ZNF460: variants seen among roughly 807,000 people sequenced by gnomAD.
ZNF460 encodes the protein zinc finger protein 272.
Under a neutral mutation model 8.4 loss-of-function variants are expected in ZNF460, and 1 was observed. The observed-to-expected ratio is 0.12, with a 90% CI of 0.04 to 0.56. ZNF460 has a LOEUF of 0.56. Among genes scored for constraint, ZNF460 ranks in the 20% least tolerant of loss-of-function variants. The probability of loss-of-function intolerance (pLI) is 0.91; values close to 1 mark genes in which losing one functional copy is unlikely to be tolerated. For synonymous variants in ZNF460, 262 were observed against 259.9 expected (o/e 1.01, Z -0.08); for missense variants, 477 against 714.8 (o/e 0.67, Z 3.79).
chr19:57,293,085 A>G lies in ZNF460; in HGVS notation c.*855A>G, dbSNP rs1036235067. 1 of 152,124 alleles carries G rather than the reference A, an allele frequency of 6.6e-6. No homozygotes were observed. Among genetic ancestry groups the G allele is most frequent in the Admixed American group, 6.5e-5 (1 of 15,268 alleles). 9.4% of individuals were successfully genotyped at this position (152,124 alleles called of 1,614,324 possible). A position where few individuals can be genotyped will look rare whatever the true frequency, so the allele number is the denominator to read the frequency against. ...TATTTTTCTGTAGGATGGAGATGAT[A>G]TTGTAGCTGTTTGTACATAATGTAA... On this transcript the variant is annotated 3_prime_UTR_variant, in exon 3 of 3. Coordinates refer to ENST00000360338, the MANE Select transcript of ZNF460 (RefSeq NM_006635.4).
chr19:57,290,618 C>A, intron 2 of ZNF460, 81 bp from the exon 3 acceptor site: 1 of 1,306,918 alleles, frequency 7.7e-7, no homozygotes, highest in Non-Finnish European at 1.1e-6. Flanking sequence ...CTATTTTCAT[C>A]TTATTGTTCT....
chr19:57,289,119 T>C (rs549629358), intron 2 of ZNF460, among the ~76,000 whole-genome samples: 19 of 152,308 alleles, frequency 1.2e-4, no homozygotes, highest in African/African-American at 4.6e-4. Flanking sequence ...CAGTTAGATC[T>C]TTATTGTCTT....
rs772580736 is a variant in ZNF460 at position 57,292,242 on chromosome 19, A to G, written c.*12A>G. On this transcript the variant is annotated 3_prime_UTR_variant, in exon 3 of 3. Coordinates refer to ENST00000360338, the MANE Select transcript of ZNF460 (RefSeq NM_006635.4). ...CCCTACCATTGTAACAGATGTGGAA[A>G]GACTTTTTACGTACACTTCAGTCAA... 2 of 1,599,694 alleles carry G rather than the reference A, an allele frequency of 1.3e-6. No individual in the cohort carries two copies. The highest frequency in any genetic ancestry group is 1.1e-5 in the South Asian group (1 of 90,312).
At position 57,292,679 on chromosome 19, in the gene ZNF460, CCTT is replaced by C; in HGVS notation, c.*450_*452del. 1 of 160,218 alleles carries C rather than the reference CCTT, an allele frequency of 6.2e-6. No individual in the cohort carries two copies. Among genetic ancestry groups the C allele is most frequent in the Non-Finnish European group, 1.4e-5 (1 of 72,316 alleles). The allele number at this position is 160,218 out of a possible 1,614,324, so 9.9% of individuals were successfully genotyped here. Reference sequence around the variant, plus strand: ...AGCCCATGGCAATTTGTCATCCCCTCCTTATTTTATTTGGGAGAGGGAAATGTT... The same window carrying C: ...AGCCCATGGCAATTTGTCATCCCCTCATTTTATTTGGGAGAGGGAAATGTT... On this transcript the variant is annotated 3_prime_UTR_variant, in exon 3 of 3. Transcript: ENST00000360338.
Position 57,291,588 on chromosome 19 carries a change from A to G in ZNF460, c.1047A>G (p.Ser349=). The change falls in exon 3 of 3, where the codon TCA becomes TCG. Residue 349 remains serine, a synonymous_variant. Transcript: ENST00000360338. This position sits in a 1 kb window ranked among gnomAD's most constrained non-coding sequence, Gnocchi z 8.4. ...GTGGGAAGGCCTTCAACTGCAGGTCACACCTCAAGCAGCATGAGCGGATTC... is the reference window on the plus strand; with the variant it reads ...GTGGGAAGGCCTTCAACTGCAGGTCGCACCTCAAGCAGCATGAGCGGATTC... The part of the protein sequence containing the change: ...LECGKAFNCR[S]HLKQHERIHT... The G allele has an allele frequency of 6.2e-7, 1 of 1,613,876 alleles. No homozygotes were observed.
chr19:57,280,513 T>A lies in ZNF460; in HGVS notation c.-294T>A. Reference sequence around the variant, plus strand: ...ACAGTGTGGGGCCTAGAGCGCTGGGTGGGCGCGTTCTGCGGCCTGAGCAGG... The same window carrying A: ...ACAGTGTGGGGCCTAGAGCGCTGGGAGGGCGCGTTCTGCGGCCTGAGCAGG... On this transcript the variant is annotated 5_prime_UTR_variant, in exon 1 of 3. Coordinates refer to ENST00000360338, the MANE Select transcript of ZNF460 (RefSeq NM_006635.4). 2.0e-6 allele frequency: 1 copy of A among 498,132 alleles called. No individual in the cohort carries two copies. The highest frequency in any genetic ancestry group is 2.3e-5 in the South Asian group (1 of 43,364). The allele number at this position is 498,132 out of a possible 1,614,324, so 30.9% of individuals were successfully genotyped here.
Position 57,291,952 on chromosome 19 carries a change from A to T in ZNF460, c.1411A>T (p.Thr471Ser). ...TNLIRHFSIH[T>S]GEKPYECVEC... ...CCTGATTCGACACTTTAGCATCCAC[A>T]CTGGAGAGAAGCCCTATGAATGCGT... The change falls in exon 3 of 3, where the codon ACT (threonine) becomes TCT (serine). Residue 471 changes from threonine (T) to serine (S), a missense_variant. By Grantham distance (58) the Thr-to-Ser change is moderately conservative. This residue lies in a region of ZNF460 where 193 missense variants were observed against 391.7 expected (regional missense o/e 0.49). Transcript: ENST00000360338. This position sits in a 1 kb window ranked among gnomAD's most constrained non-coding sequence, Gnocchi z 8.4. 1 of 1,614,018 alleles carries T rather than the reference A, an allele frequency of 6.2e-7. No homozygotes were observed. Among genetic ancestry groups the T allele is most frequent in the Non-Finnish European group, 8.5e-7 (1 of 1,179,996 alleles).
chr19:57,289,564 C>T (rs949946229), intron 2 of ZNF460, among the ~76,000 whole-genome samples: 1 of 152,142 alleles, frequency 6.6e-6, no homozygotes, highest in African/African-American at 2.4e-5. Flanking sequence ...CCTCTTGTAG[C>T]TCCTTGACAT....
intron 1 of ZNF460, among the ~76,000 whole-genome samples, chr19:57,281,382 G>C (rs921870772): frequency 2.0e-5 from 3 of 151,990 alleles, no homozygotes; most frequent in Non-Finnish European, 4.4e-5. Flanking sequence ...CCAGAGTCTG[G>C]TATTTTTGTG....
chr19:57,284,937 C>G (rs934590314), intron 2 of ZNF460, among the ~76,000 whole-genome samples: 2 of 152,030 alleles, frequency 1.3e-5, no homozygotes, highest in Non-Finnish European at 2.9e-5. Context: ...CTGCCTCAGC[C>G]TCCAGAGTAG....
Position 57,281,774 on chromosome 19 carries a change from C to G in ZNF460, c.30+938C>G, listed in dbSNP as rs185378693. The G allele has an allele frequency of 6.6e-3, 1,001 of 152,266 alleles. 7 individuals carry two copies. Among genetic ancestry groups the G allele is most frequent in the Middle Eastern group, 0.044 (13 of 298 alleles). 9.4% of individuals were successfully genotyped at this position (152,266 alleles called of 1,614,324 possible). A position where few individuals can be genotyped will look rare whatever the true frequency, so the allele number is the denominator to read the frequency against. On this transcript the variant is annotated intron_variant, in intron 1 of 2. Coordinates refer to ENST00000360338, the MANE Select transcript of ZNF460 (RefSeq NM_006635.4). ...AGAGACGGGGTTTTACCGTGTTGGC[C>G]ACGCTGGTCTTGAACTCCTGACCTC...
At position 57,289,384 on chromosome 19, in the gene ZNF460, T is replaced by C. The variant is rs144081939; in HGVS notation, c.158-1315T>C. ...TAACTTCTTATGGGGCTGCCTCCTC[T>C]CACTGCAGTCCTCTGGATTCGCTGA... is the stretch of plus-strand genomic sequence containing the variant. On this transcript the variant is annotated intron_variant, in intron 2 of 2. Transcript: ENST00000360338. 2.2e-3 allele frequency among the ~76,000 whole-genome samples: 338 copies of C among 152,318 alleles called. 2 individuals carry two copies. Among genetic ancestry groups the C allele is most frequent in the African/African-American group, 7.8e-3 (325 of 41,582 alleles).
chr19:57,285,940 C>G (rs2087876648), intron 2 of ZNF460, among the ~76,000 whole-genome samples: 1 of 152,196 alleles, frequency 6.6e-6, no homozygotes, highest in South Asian at 2.1e-4. Flanking sequence ...AATTCCAGCT[C>G]TACTTTTTGT....
At chr19:57,282,398 G>T (rs1309894713) in intron 1 of ZNF460, among the ~76,000 whole-genome samples, 1 of 152,122 alleles carries the variant, frequency 6.6e-6, no homozygotes, top group Non-Finnish European at 1.5e-5. Context: ...TGGCCTCAGG[G>T]ATGCCTGCTA....
Position 57,284,599 on chromosome 19 carries a change from TGG to T in ZNF460, c.83_84del (p.Gly28AlafsTer26). On this transcript the variant is annotated frameshift_variant, in exon 2 of 3. Transcript: ENST00000360338. LOFTEE classifies it high-confidence loss of function. The stretch of plus-strand genomic sequence containing the variant: ...GGCTGTGACATTTACCCAGGAGGAG[TGG>T]GGGCAGTTGGACGTGACCCAGAGGG... ...DVAVTFTQEE[W>X]GQLDVTQRAL... The T allele has an allele frequency of 6.2e-7, 1 of 1,612,760 alleles. No individual in the cohort carries two copies. Among genetic ancestry groups the T allele is most frequent in the Non-Finnish European group, 8.5e-7 (1 of 1,179,528 alleles).
At chr19:57,280,472 C>T (rs1337483528), upstream of ZNF460, 1 of 340,904 alleles carries the variant, frequency 2.9e-6, no homozygotes, top group Non-Finnish European at 5.5e-6. Flanking sequence ...TCTCCGTGGG[C>T]CGGTTTGGCC....
Position 57,280,728 on chromosome 19 carries a change from C to T in ZNF460, c.-79C>T. On this transcript the variant is annotated 5_prime_UTR_variant, in exon 1 of 3. Transcript: ENST00000360338. ...TTTTTTTCGGGGGAAAACTGAGGCT[C>T]GGAGTGCGAAAGTCAGCCGAGGTCG... 1.9e-6 allele frequency: 3 copies of T among 1,586,354 alleles called. No homozygotes were observed. The highest frequency in any genetic ancestry group is 1.7e-6 in the Non-Finnish European group (2 of 1,162,948).
At chr19:57,289,036 T>G (rs1305604647) in intron 2 of ZNF460, among the ~76,000 whole-genome samples, 1 of 152,104 alleles carries the variant, frequency 6.6e-6, no homozygotes, top group Non-Finnish European at 1.5e-5. Context: ...AGGTTATTGT[T>G]TCTCAGGGTT....
chr19:57,293,288 TAAAC>T lies in ZNF460; in HGVS notation c.*1060_*1063del, dbSNP rs1345879520. The T allele has an allele frequency of 4.6e-5, 7 of 152,120 alleles. No homozygotes were observed. The highest frequency in any genetic ancestry group is 1.0e-4 in the Non-Finnish European group (7 of 68,022). 9.4% of individuals were successfully genotyped at this position (152,120 alleles called of 1,614,324 possible). On this transcript the variant is annotated 3_prime_UTR_variant, in exon 3 of 3. Coordinates refer to ENST00000360338, the MANE Select transcript of ZNF460 (RefSeq NM_006635.4). ...AAAAGATTATGATAAACTCAGAAAA[TAAAC>T]ACAGAGAAGGAATCTCATTTTTCAG...
Sources: gnomAD v4.1 joint callset for allele counts (sites outside exome capture counted in the v4.1 genomes callset) on GRCh38, gnomAD v4.1.1 for gene constraint, gnomAD v4.1.1 regional missense constraint, Gnocchi (gnomAD v3.1) non-coding constraint, MANE v1.5 for transcripts, NCBI Gene and HGNC (gene_info 2026-07-23, HGNC 2026-07-21) for gene names.